PLXNC1: variants seen among roughly 807,000 people sequenced by gnomAD.
PLXNC1 encodes the protein plexin C1, also known as plexin-C1.
In PLXNC1, 75 loss-of-function variants were observed where a neutral mutation model predicts 178.2. That is an observed-to-expected ratio of 0.42 (90% CI 0.35 to 0.51). PLXNC1 has a LOEUF of 0.51. Ranked by LOEUF, PLXNC1 falls within the 20% of genes least tolerant of loss-of-function variation. The pLI is 0.02. For synonymous variants in PLXNC1, 790 were observed against 779.9 expected, an observed-to-expected ratio of 1.01 and a Z score of -0.22; for missense variants, 1,503 against 1,984.4, an observed-to-expected ratio of 0.76 and a Z score of 4.61.
In PLXNC1 at chr12:94,248,290, A is replaced by T; in HGVS notation, c.2656A>T (p.Asn886Tyr). 1 of 1,613,484 alleles carries T rather than the reference A, an allele frequency of 6.2e-7. No homozygotes were observed. Residue 886 changes from asparagine (N) to tyrosine (Y), a missense_variant, in exon 14 of 31, where the codon AAT (asparagine) becomes TAT (tyrosine). By Grantham distance (143) the Asn-to-Tyr change is moderately radical. Transcript: ENST00000258526. ...DIEITLFHGE[N>Y]GQLNCSFENI... The stretch of plus-strand genomic sequence containing the variant: ...TGAAATTACTCTCTTCCATGGGGAA[A>T]ATGGGCAATTAAATTGCAGTTTTGA...
intron 5 of PLXNC1, among the ~76,000 whole-genome samples, chr12:94,211,792 T>C (rs1051040223): frequency 3.3e-5 from 5 of 152,218 alleles, no homozygotes; most frequent in African/African-American, 1.2e-4. Context: ...GCAAGATGCA[T>C]AAAAGTGTTC....
At chr12:94,273,483 C>T (rs954593092) in intron 21 of PLXNC1, among the ~76,000 whole-genome samples, 4 of 152,238 alleles carry the variant, frequency 2.6e-5, no homozygotes, top group Admixed American at 1.3e-4. Context: ...CAGCTCTTTG[C>T]GACCCAATTC....
chr12:94,179,799 T>G (rs1421266679), intron 2 of PLXNC1, among the ~76,000 whole-genome samples: 2 of 151,744 alleles, frequency 1.3e-5, no homozygotes, highest in African/African-American at 4.8e-5. Flanking sequence ...TGCAATCTAG[T>G]AACAGATTAT....
intron 4 of PLXNC1, among the ~76,000 whole-genome samples, chr12:94,199,360 A>G (rs1963038451): frequency 6.6e-6 from 1 of 152,090 alleles, no homozygotes; most frequent in Admixed American, 6.5e-5. Flanking sequence ...ATGATAATGG[A>G]ATTGGGGATG....
intron 2 of PLXNC1, among the ~76,000 whole-genome samples, chr12:94,174,178 TTTTG>T (rs1318014190): frequency 6.6e-6 from 1 of 152,134 alleles, no homozygotes; most frequent in Non-Finnish European, 1.5e-5. Context: ...AATGGCTTTC[TTTTG>T]TTTATTTTTT....
rs74930118 is a variant in PLXNC1 at position 94,218,557 on chromosome 12, A to G, written c.1555-1459A>G. Among the ~76,000 whole-genome samples the G allele has an allele frequency of 4.4e-3, 664 of 152,280 alleles. 4 individuals carry two copies. The highest frequency in any genetic ancestry group is 0.012 in the Admixed American group (179 of 15,304). On this transcript the variant is annotated intron_variant, in intron 5 of 30. Transcript: ENST00000258526. ...CAGATCCCATCATGCGCCTGATGCA[A>G]AAGGAGTCCACTGTTGGCATGTTAA...
intron 11 of PLXNC1, among the ~76,000 whole-genome samples, chr12:94,242,769 A>G (rs1289227468): frequency 2.0e-5 from 3 of 152,136 alleles, no homozygotes; most frequent in Non-Finnish European, 4.4e-5. Context: ...GTGTTCATCT[A>G]TTGACTAGGT....
chr12:94,219,973 G>T (rs1423236596), intron 5 of PLXNC1, 43 bp from the exon 6 acceptor site: 1 of 1,598,400 alleles, frequency 6.3e-7, no homozygotes, highest in Non-Finnish European at 8.6e-7. Context: ...GGATGGAAAT[G>T]AGGCAAAAAT....
At chr12:94,191,919 A>G (rs1962741412) in intron 4 of PLXNC1, among the ~76,000 whole-genome samples, 1 of 152,188 alleles carries the variant, frequency 6.6e-6, no homozygotes, top group Non-Finnish European at 1.5e-5. Context: ...GAATTTTTGC[A>G]GGCTGAATAT....
chr12:94,214,975 C>T (rs933864667), intron 5 of PLXNC1, among the ~76,000 whole-genome samples: 1 of 152,178 alleles, frequency 6.6e-6, no homozygotes, highest in African/African-American at 2.4e-5. Context: ...TGGTTCACTG[C>T]AACCTCTGCC....
chr12:94,212,746 G>A (rs1963524579), intron 5 of PLXNC1, among the ~76,000 whole-genome samples: 1 of 143,620 alleles, frequency 7.0e-6, no homozygotes, highest in South Asian at 2.2e-4. Flanking sequence ...TTGAGATGGA[G>A]TCTCGCTCTG....
At chr12:94,191,598 A>G (rs1014225528) in intron 4 of PLXNC1, among the ~76,000 whole-genome samples, 5 of 152,132 alleles carry the variant, frequency 3.3e-5, no homozygotes, top group Admixed American at 1.3e-4. Context: ...AGCCTGGCCA[A>G]CATGGTGAAA....
At chr12:94,160,242 G>T (rs1961329710) in intron 1 of PLXNC1, among the ~76,000 whole-genome samples, 1 of 152,142 alleles carries the variant, frequency 6.6e-6, no homozygotes, top group African/African-American at 2.4e-5. Flanking sequence ...CTAACACATG[G>T]TGAGTGAGCC....
chr12:94,207,183 T>C (rs1216741600), intron 4 of PLXNC1, among the ~76,000 whole-genome samples: 2 of 152,208 alleles, frequency 1.3e-5, no homozygotes, highest in African/African-American at 4.8e-5. Context: ...TTTTTATTTG[T>C]ACTGGTGAGA....
chr12:94,270,922 G>T (rs992719102), intron 21 of PLXNC1, among the ~76,000 whole-genome samples: 4 of 152,108 alleles, frequency 2.6e-5, no homozygotes, highest in African/African-American at 9.7e-5. Context: ...AGGCTGGATG[G>T]GCAAGCGCAG....
At chr12:94,194,962 A>G (rs939303741) in intron 4 of PLXNC1, among the ~76,000 whole-genome samples, 1 of 152,094 alleles carries the variant, frequency 6.6e-6, no homozygotes, top group African/African-American at 2.4e-5. Flanking sequence ...TTGGCCTTGA[A>G]GCCTGGGTAG....
rs573859610 is a variant in PLXNC1 at position 94,243,930 on chromosome 12, C to T, written c.2301-8C>T. On this transcript the variant is annotated splice_polypyrimidine_tract_variant and splice_region_variant and intron_variant, in intron 11 of 30. Coordinates refer to ENST00000258526, the MANE Select transcript of PLXNC1 (RefSeq NM_005761.3). Reference sequence around the variant, plus strand: ...TGAAACCCTTATTGTTGCTTTTATTCCTTGCAGTGGTGGTCAAAATATAAC... The same window carrying T: ...TGAAACCCTTATTGTTGCTTTTATTTCTTGCAGTGGTGGTCAAAATATAAC... 1 of 1,491,000 alleles carries T rather than the reference C, an allele frequency of 6.7e-7. No individual in the cohort carries two copies. The highest frequency in any genetic ancestry group is 9.3e-7 in the Non-Finnish European group (1 of 1,079,398). The allele number at this position is 1,491,000 out of a possible 1,614,324, so 92.4% of individuals were successfully genotyped here.
rs1310533661 is a variant in PLXNC1 at position 94,181,488 on chromosome 12, A to G, written c.1246A>G (p.Ile416Val). Residue 416 changes from isoleucine to valine, a missense_variant, in exon 3 of 31, where the codon ATC becomes GTC. Coordinates refer to ENST00000258526, the MANE Select transcript of PLXNC1 (RefSeq NM_005761.3). The stretch of plus-strand genomic sequence containing the variant: ...TTTGACTTCAAATTGTCCAGAGGTT[A>G]TCTATGAAATTAAAGAAGAGACACC... Reference protein sequence around the residue: ...ENLTSNCPEVIYEIKEETPVF... With the variant: ...ENLTSNCPEVVYEIKEETPVF... The G allele has an allele frequency of 1.9e-6, 3 of 1,592,608 alleles. No homozygotes were observed. The highest frequency in any genetic ancestry group is 2.7e-5 in the African/African-American group (2 of 74,420).
At chr12:94,177,177 GTATA>G (rs202104237) in intron 2 of PLXNC1, among the ~76,000 whole-genome samples, 2 of 61,938 alleles carry the variant, frequency 3.2e-5, no homozygotes, top group African/African-American at 8.3e-5. Context: ...ATATATATAC[GTATA>G]TATATGTATA....
Sources: gnomAD v4.1 joint callset for allele counts (sites outside exome capture counted in the v4.1 genomes callset) on GRCh38, gnomAD v4.1.1 for gene constraint, MANE v1.5 for transcripts, NCBI Gene and HGNC (gene_info 2026-07-23, HGNC 2026-07-21) for gene names.